Variants in ITPK1 observed in about 807,000 individuals in gnomAD.
ITPK1 encodes the protein inositol 1,3,4-trisphosphate 5/6-kinase.
ITPK1 carries 21 observed loss-of-function variants against 45.3 expected under a neutral mutation model. That is an observed-to-expected ratio of 0.46 (90% CI 0.33 to 0.67). The LOEUF is 0.67. Among genes scored for constraint, ITPK1 ranks in the 30% least tolerant of loss-of-function variants. The pLI is 0.02. For missense variants in ITPK1, 474 were observed against 573.5 expected (o/e 0.83, Z 1.77); for synonymous variants, 258 against 253.6 (o/e 1.02, Z -0.16).
intron 2 of ITPK1, among the ~76,000 whole-genome samples, chr14:93,087,876 G>A (rs940085879): frequency 6.6e-6 from 1 of 152,244 alleles, no homozygotes; most frequent in African/African-American, 2.4e-5. Flanking sequence ...CATGGCCGCA[G>A]GGGTCCCTGA....
At chr14:93,040,741 G>C (rs1433242157) in intron 3 of ITPK1, among the ~76,000 whole-genome samples, 1 of 152,058 alleles carries the variant, frequency 6.6e-6, no homozygotes. Context: ...CCCCCTCTGG[G>C]TCACTGCCAT....
intron 3 of ITPK1, among the ~76,000 whole-genome samples, chr14:93,049,302 G>A (rs191072887): frequency 2.6e-5 from 4 of 152,318 alleles, no homozygotes; most frequent in Admixed American, 6.5e-5. Flanking sequence ...AAGTACCAAG[G>A]TGAGTGCCTG....
At chr14:93,094,785 C>A (rs549483407) in intron 2 of ITPK1, among the ~76,000 whole-genome samples, 1 of 152,314 alleles carries the variant, frequency 6.6e-6, no homozygotes, top group African/African-American at 2.4e-5. Context: ...CACAGCCAGC[C>A]CACTGCTTCC....
chr14:92,938,483 T>G lies in ITPK1; in HGVS notation c.*3078A>C, dbSNP rs1055461825. ...CTCAAACATGTGACAGCTTCCTACTTCAGTCGGTCTTCCAGCCTTCTATAA... is the reference window on the plus strand; with the variant it reads ...CTCAAACATGTGACAGCTTCCTACTGCAGTCGGTCTTCCAGCCTTCTATAA... On this transcript the variant is annotated 3_prime_UTR_variant, in exon 11 of 11. Coordinates refer to ENST00000267615, the MANE Select transcript of ITPK1 (RefSeq NM_014216.6). The G allele has an allele frequency of 6.2e-7, 1 of 1,612,422 alleles. No individual in the cohort carries two copies. Among genetic ancestry groups the G allele is most frequent in the Non-Finnish European group, 8.5e-7 (1 of 1,178,432 alleles).
chr14:92,971,246 C>T (rs1885638896), intron 5 of ITPK1, among the ~76,000 whole-genome samples: 1 of 152,256 alleles, frequency 6.6e-6, no homozygotes. Flanking sequence ...GGGTTTTAAT[C>T]CTGGCTCCAT....
chr14:93,081,797 G>A (rs978491704), intron 2 of ITPK1, among the ~76,000 whole-genome samples: 5 of 152,226 alleles, frequency 3.3e-5, no homozygotes, highest in African/African-American at 9.6e-5. Context: ...GGGCTGAGAC[G>A]CAGGACAGAG....
At chr14:93,054,906 C>A (rs1890159244) in intron 3 of ITPK1, among the ~76,000 whole-genome samples, 1 of 152,148 alleles carries the variant, frequency 6.6e-6, no homozygotes, top group African/African-American at 2.4e-5. Context: ...ATTTCACAAA[C>A]TGGCACCCAA....
rs1049191459 is a variant in ITPK1 at position 92,988,369 on chromosome 14, C to G, written c.364+5511G>C. The stretch of plus-strand genomic sequence containing the variant: ...TCCGAGGCACTGGCGACCCACTTCC[C>G]AGATGAGTGAACAACTCAGGGGAGA... On this transcript the variant is annotated intron_variant, in intron 5 of 10. Coordinates refer to ENST00000267615, the MANE Select transcript of ITPK1 (RefSeq NM_014216.6). Among the ~76,000 whole-genome samples the G allele has an allele frequency of 3.3e-5, 5 of 152,338 alleles. 1 individual carries two copies. The East Asian group carries it at 9.6e-4, about 29-fold the overall frequency.
intron 5 of ITPK1, among the ~76,000 whole-genome samples, chr14:92,965,693 T>C (rs1229771202): frequency 6.6e-6 from 1 of 152,250 alleles, no homozygotes; most frequent in Non-Finnish European, 1.5e-5. Flanking sequence ...GCAACTGTAC[T>C]TTTTTAATTT....
rs958423055 is a variant in ITPK1 at position 93,066,787 on chromosome 14, C to A, written c.120+9808G>T. Among the ~76,000 whole-genome samples, 39 of 152,156 alleles carry A rather than the reference C, an allele frequency of 2.6e-4. 1 individual carries two copies. The highest frequency in any genetic ancestry group is 2.5e-3 in the Admixed American group (38 of 15,264). On this transcript the variant is annotated intron_variant, in intron 3 of 10. Transcript: ENST00000267615. Reference sequence around the variant, plus strand: ...AGGGAGATGCCAGGTCCTTACTCAACTGAAATACTCAGGGACGCTTCCTGG... The same window carrying A: ...AGGGAGATGCCAGGTCCTTACTCAAATGAAATACTCAGGGACGCTTCCTGG...
intron 3 of ITPK1, among the ~76,000 whole-genome samples, chr14:93,031,364 C>T (rs1889050014): frequency 6.6e-6 from 1 of 152,174 alleles, no homozygotes; most frequent in Non-Finnish European, 1.5e-5. Context: ...AGTTAGATGC[C>T]TCAGTCCCTT....
rs527530026 is a variant in ITPK1 at position 92,936,993 on chromosome 14, C to T, written c.*4568G>A. On this transcript the variant is annotated 3_prime_UTR_variant, in exon 11 of 11. Transcript: ENST00000267615. ...CCACCCCTACAGTTACAGAAATAAA[C>T]ACAACATTAACTGTACTCCACTAGA... 6 of 152,308 alleles carry T rather than the reference C, an allele frequency of 3.9e-5. No homozygotes were observed. Among genetic ancestry groups the T allele is most frequent in the Non-Finnish European group, 8.8e-5 (6 of 68,034 alleles). The allele number at this position is 152,308 out of a possible 1,614,324, so 9.4% of individuals were successfully genotyped here. A position where few individuals can be genotyped will look rare whatever the true frequency, so the allele number is the denominator to read the frequency against.
Position 92,993,946 on chromosome 14 carries a change from T to A in ITPK1, c.298A>T (p.Ile100Phe). 6.2e-7 allele frequency: 1 copy of A among 1,614,038 alleles called. No individual in the cohort carries two copies. Among genetic ancestry groups the A allele is most frequent in the South Asian group, 1.1e-5 (1 of 91,076 alleles). ...ETIVLDPLPA[I>F]RTLLDRSKSY... ...TTGGAGCGGTCAAGCAGGGTTCTGA[T>A]GGCAGGGAGCGGGTCCAGGACGATG... The change falls in exon 5 of 11, where the codon ATC (isoleucine) becomes TTC (phenylalanine). Residue 100 changes from isoleucine to phenylalanine, a missense_variant. Physicochemically the swap from Ile to Phe is conservative, Grantham distance 21. Around this residue, in one of 2 missense-constraint regions of ITPK1, gnomAD observed 367 missense variants for 480.6 expected, o/e 0.76. Coordinates refer to ENST00000267615, the MANE Select transcript of ITPK1 (RefSeq NM_014216.6).
intron 2 of ITPK1, among the ~76,000 whole-genome samples, chr14:93,113,228 T>G (rs961883246): frequency 2.6e-4 from 40 of 152,130 alleles, no homozygotes; most frequent in African/African-American, 9.4e-4. Flanking sequence ...AAAGTAATGC[T>G]CTACTCCCCA....
intron 2 of ITPK1, among the ~76,000 whole-genome samples, chr14:93,109,519 G>T (rs1034038163): frequency 6.6e-6 from 1 of 152,214 alleles, no homozygotes. Flanking sequence ...ATAGTAACAA[G>T]ATTACCAGTG....
intron 9 of ITPK1, among the ~76,000 whole-genome samples, chr14:92,948,549 G>A (rs1887791843): frequency 6.6e-6 from 1 of 151,994 alleles, no homozygotes; most frequent in South Asian, 2.1e-4. Flanking sequence ...TCTTTCCCAG[G>A]CTGGTCTCAA....
At chr14:92,942,311 G>C (rs1887470174) in intron 10 of ITPK1, among the ~76,000 whole-genome samples, 1 of 152,202 alleles carries the variant, frequency 6.6e-6, no homozygotes, top group Non-Finnish European at 1.5e-5. Context: ...CACACTTGGA[G>C]TAATAAATAC....
intron 3 of ITPK1, among the ~76,000 whole-genome samples, chr14:93,057,707 C>T (rs773578353): frequency 1.3e-5 from 2 of 152,192 alleles, no homozygotes; most frequent in African/African-American, 2.4e-5. Flanking sequence ...GAGGCAGAAC[C>T]AGCAGGGACC....
intron 10 of ITPK1, among the ~76,000 whole-genome samples, chr14:92,943,149 G>C (rs371911384): frequency 3.3e-5 from 5 of 152,246 alleles, no homozygotes; most frequent in Admixed American, 3.3e-4. Flanking sequence ...GGCACTGTGC[G>C]AGCGTCCCGC....
Sources: allele counts gnomAD v4.1 joint callset (sites outside exome capture counted in the v4.1 genomes callset), GRCh38; gene constraint gnomAD v4.1.1; regional missense constraint gnomAD v4.1.1; transcripts MANE v1.5; gene names NCBI Gene and HGNC (gene_info 2026-07-23, HGNC 2026-07-21).